The following GALNT8 variants were observed in gnomAD, a reference collection of about 807,000 sequenced individuals.
GALNT8 encodes probable polypeptide N-acetylgalactosaminyltransferase 8.
Under a neutral mutation model 62.7 loss-of-function variants are expected in GALNT8, and 66 were observed. The observed-to-expected ratio is 1.05, with a 90% CI of 0.86 to 1.29. GALNT8 has a LOEUF of 1.29. Ranked by LOEUF, GALNT8 falls within the 50% of genes most tolerant of loss-of-function variation. The pLI, the probability that GALNT8 is intolerant of heterozygous loss-of-function variation, is 0.00. For synonymous variants in GALNT8, 288 were observed against 294.3 expected (o/e 0.98, Z 0.22); for missense variants, 771 against 791.8 (o/e 0.97, Z 0.32).
Position 4,772,717 on chromosome 12 carries a change from C to T in GALNT8, c.*120C>T. On this transcript the variant is annotated 3_prime_UTR_variant, in exon 11 of 11. Transcript: ENST00000252318. The stretch of plus-strand genomic sequence containing the variant: ...GCATGTGTATGTCTGTTTATGGCGA[C>T]TTCAGGTGGGGCCTGTGCGTGTGCC... 1.3e-6 allele frequency: 1 copy of T among 777,760 alleles called. No homozygotes were observed. Among genetic ancestry groups the T allele is most frequent in the Non-Finnish European group, 2.1e-6 (1 of 481,806 alleles). The allele number at this position is 777,760 out of a possible 1,614,324, so 48.2% of individuals were successfully genotyped here.
chr12:4,724,384 G>A (rs182778997), intron 1 of GALNT8, among the ~76,000 whole-genome samples: 1 of 152,240 alleles, frequency 6.6e-6, no homozygotes, highest in East Asian at 1.9e-4. Context: ...AAGTTATGGG[G>A]ATAACCTAGT....
intron 3 of GALNT8, among the ~76,000 whole-genome samples, chr12:4,742,075 C>T (rs1946274745): frequency 6.6e-6 from 1 of 152,224 alleles, no homozygotes; most frequent in Admixed American, 6.5e-5. Flanking sequence ...GTTTCTGCAT[C>T]TGTAACATCA....
chr12:4,752,402 T>C (rs979699228), intron 6 of GALNT8, among the ~76,000 whole-genome samples: 1 of 152,114 alleles, frequency 6.6e-6, no homozygotes, highest in Non-Finnish European at 1.5e-5. Flanking sequence ...TCTTGCTTTT[T>C]ATTTTTTTGT....
chr12:4,743,698 G>T lies in GALNT8; in HGVS notation c.677-819G>T, dbSNP rs139197246. ...CTTGGAAAAGTTTTTAAAACTCTTT[G>T]TGCCTCAGTTTCTTTATCTGTAAAG... is the stretch of plus-strand genomic sequence containing the variant. On this transcript the variant is annotated intron_variant, in intron 3 of 10. Coordinates refer to ENST00000252318, the MANE Select transcript of GALNT8 (RefSeq NM_017417.2). Among the ~76,000 whole-genome samples the T allele has an allele frequency of 4.1e-3, 629 of 152,312 alleles. 4 individuals carry two copies. Among genetic ancestry groups the T allele is most frequent in the African/African-American group, 0.014 (562 of 41,546 alleles).
At chr12:4,766,776 T>C (rs572003046) in intron 10 of GALNT8, among the ~76,000 whole-genome samples, 1 of 152,172 alleles carries the variant, frequency 6.6e-6, no homozygotes, top group South Asian at 2.1e-4. Flanking sequence ...CTATGCTTGG[T>C]TCAGGTGCCA....
intron 2 of GALNT8, among the ~76,000 whole-genome samples, chr12:4,736,338 G>C (rs145521274): frequency 6.6e-6 from 1 of 152,220 alleles, no homozygotes; most frequent in African/African-American, 2.4e-5. Context: ...GCACATCCCT[G>C]GTAATCTGGA....
At chr12:4,743,486 C>A (rs2137530788) in intron 3 of GALNT8, among the ~76,000 whole-genome samples, 1 of 152,316 alleles carries the variant, frequency 6.6e-6, no homozygotes, top group African/African-American at 2.4e-5. Flanking sequence ...CTAGGTCTCA[C>A]AAATATGCTC....
intron 6 of GALNT8, among the ~76,000 whole-genome samples, chr12:4,755,909 T>A (rs1946342659): frequency 6.6e-6 from 1 of 152,168 alleles, no homozygotes; most frequent in African/African-American, 2.4e-5. Flanking sequence ...GTTCCACATG[T>A]GTTCACTCTG....
At chr12:4,746,040 A>G in intron 5 of GALNT8, 104 bp from the exon 6 acceptor site, 1 of 683,178 alleles carries the variant, frequency 1.5e-6, no homozygotes, top group South Asian at 1.8e-5. Flanking sequence ...CATGATAAGA[A>G]CAGACTTAGG....
Position 4,722,271 on chromosome 12 carries a change from G to A in GALNT8, c.211+1383G>A, listed in dbSNP as rs189339035. 3.3e-5 allele frequency among the ~76,000 whole-genome samples: 5 copies of A among 152,278 alleles called. No individual in the cohort carries two copies. In the East Asian group the frequency reaches 9.7e-4, roughly 29 times the overall value. On this transcript the variant is annotated intron_variant, in intron 1 of 10. Transcript: ENST00000252318. Reference sequence around the variant, plus strand: ...GCAAGGGCCTCGCTTCCATTTTGCGGTGTGCTCCTTTCATGAACTAATGAG... The same window carrying A: ...GCAAGGGCCTCGCTTCCATTTTGCGATGTGCTCCTTTCATGAACTAATGAG...
chr12:4,764,719 ATT>A (rs750518123), intron 9 of GALNT8, among the ~76,000 whole-genome samples: 7 of 129,452 alleles, frequency 5.4e-5, no homozygotes, highest in East Asian at 2.2e-4. Context: ...AATTTTTTGT[ATT>A]TTTTTTTTTT....
chr12:4,735,581 CCTT>C (rs1169781700), intron 2 of GALNT8, among the ~76,000 whole-genome samples: 2 of 152,182 alleles, frequency 1.3e-5, no homozygotes, highest in Non-Finnish European at 2.9e-5. Flanking sequence ...ATTGTGACTC[CCTT>C]CTTCTACTTT....
chr12:4,732,394 CT>C (rs1222717215), intron 2 of GALNT8, among the ~76,000 whole-genome samples: 1 of 150,662 alleles, frequency 6.6e-6, no homozygotes, highest in African/African-American at 2.4e-5. Context: ...CCAACAAACA[CT>C]TTTTCAGTAT....
chr12:4,758,633 T>TGA lies in GALNT8; in HGVS notation c.1174-2324_1174-2323insAG, dbSNP rs1555070216. On this transcript the variant is annotated intron_variant, in intron 6 of 10. Coordinates refer to ENST00000252318, the MANE Select transcript of GALNT8 (RefSeq NM_017417.2). ...GTGTGTGTGTGTGTGTGTGTGTGTGTGTGTGAGAGAGAGAGAGAGAGAGAG... is the reference window on the plus strand; with the variant it reads ...GTGTGTGTGTGTGTGTGTGTGTGTGTGAGTGTGAGAGAGAGAGAGAGAGAGAG... 1.6e-3 allele frequency among the ~76,000 whole-genome samples: 125 copies of TGA among 79,898 alleles called. 1 individual carries two copies. The highest frequency in any genetic ancestry group is 0.012 in the Middle Eastern group (2 of 166). 52.4% of individuals were successfully genotyped at this position (79,898 alleles called of 152,430 possible). A position where few individuals can be genotyped will look rare whatever the true frequency, so the allele number is the denominator to read the frequency against.
intron 6 of GALNT8, among the ~76,000 whole-genome samples, chr12:4,754,684 C>T (rs1946336692): frequency 6.6e-6 from 1 of 151,960 alleles, no homozygotes; most frequent in South Asian, 2.1e-4. Context: ...GCTTGGTGCT[C>T]TACCCACCTG....
At chr12:4,764,471 C>G (rs1477647791) in intron 9 of GALNT8, among the ~76,000 whole-genome samples, 1 of 150,178 alleles carries the variant, frequency 6.7e-6, no homozygotes, top group Non-Finnish European at 1.5e-5. Context: ...AGAGGCTGAG[C>G]AGACGCTCCT....
intron 8 of GALNT8, 142 bp downstream of exon 8, chr12:4,763,532 C>CA (rs543220221): frequency 1.2e-5 from 8 of 690,820 alleles, no homozygotes; most frequent in Non-Finnish European, 2.0e-5. Flanking sequence ...TCAACCCTCT[C>CA]AGTTTCCTTT....
At chr12:4,741,461 T>TC (rs1333321295) in intron 3 of GALNT8, among the ~76,000 whole-genome samples, 2 of 152,138 alleles carry the variant, frequency 1.3e-5, no homozygotes, top group Non-Finnish European at 2.9e-5. Context: ...ACACTCTGGC[T>TC]CTGCTCCCTG....
intron 3 of GALNT8, among the ~76,000 whole-genome samples, chr12:4,740,348 A>T (rs1007292457): frequency 2.6e-5 from 4 of 152,164 alleles, no homozygotes; most frequent in African/African-American, 9.7e-5. Context: ...TAACCATTTT[A>T]TGAACTATAG....
Sources: allele counts gnomAD v4.1 joint callset (sites outside exome capture counted in the v4.1 genomes callset), GRCh38; gene constraint gnomAD v4.1.1; transcripts MANE v1.5; gene names NCBI Gene and HGNC (gene_info 2026-07-23, HGNC 2026-07-21).